Variants in SUMF1 observed in about 807,000 individuals in gnomAD.
The protein encoded by SUMF1 is formylglycine-generating enzyme.
SUMF1 carries 48 observed loss-of-function variants against 47.6 expected under a neutral mutation model. The ratio of observed to expected loss-of-function variants is 1.01; its 90% CI spans 0.80 to 1.28. SUMF1 has a LOEUF of 1.28. Ranked by LOEUF, SUMF1 falls within the 50% of genes most tolerant of loss-of-function variation. The pLI, the probability that SUMF1 is intolerant of heterozygous loss-of-function variation, is 0.00. For missense variants in SUMF1, 571 were observed against 485.4 expected (o/e 1.18, Z -1.66); for synonymous variants, 230 against 192.1 (o/e 1.20, Z -1.63).
intron 8 of SUMF1, among the ~76,000 whole-genome samples, chr3:4,245,382 C>T (rs1208283186): frequency 2.0e-5 from 3 of 152,090 alleles, no homozygotes; most frequent in Non-Finnish European, 4.4e-5. Context: ...TTTTATCTAC[C>T]TTTGGTCTTT....
At chr3:4,080,242 T>G (rs941467335) in intron 8 of SUMF1, among the ~76,000 whole-genome samples, 2 of 152,184 alleles carry the variant, frequency 1.3e-5, no homozygotes, top group African/African-American at 2.4e-5. Context: ...AAGTTTTTTA[T>G]GAATGAAGGC....
At chr3:4,344,035 T>C (rs1044998508) in intron 8 of SUMF1, among the ~76,000 whole-genome samples, 1 of 152,274 alleles carries the variant, frequency 6.6e-6, no homozygotes, top group Non-Finnish European at 1.5e-5. Flanking sequence ...GACTCAATTT[T>C]GTTTTATAAA....
chr3:4,440,567 T>C (rs937986807), intron 3 of SUMF1, among the ~76,000 whole-genome samples: 4 of 152,224 alleles, frequency 2.6e-5, no homozygotes, highest in African/African-American at 9.6e-5. Context: ...GACTGCATTA[T>C]TCTTTGCCTT....
chr3:4,244,092 G>A (rs975674193), intron 8 of SUMF1, among the ~76,000 whole-genome samples: 2 of 151,788 alleles, frequency 1.3e-5, no homozygotes, highest in African/African-American at 2.4e-5. Flanking sequence ...CCTGCTTTTT[G>A]TTTTTCCTTT....
chr3:4,100,038 T>A lies in SUMF1; in HGVS notation c.1015-31293A>T, dbSNP rs1352986280. ...ATTTAATAATACCAATTCAATTCAA[T>A]CCAATTCAATTTAATAATATGAATT... On this transcript the variant is annotated intron_variant and NMD_transcript_variant, in intron 8 of 12. Coordinates refer to the SUMF1 transcript ENST00000448413. Among the ~76,000 whole-genome samples the A allele has an allele frequency of 3.3e-5, 5 of 151,222 alleles. No homozygotes were observed. In the South Asian group the frequency reaches 8.4e-4, roughly 25 times the overall value.
intron 8 of SUMF1, among the ~76,000 whole-genome samples, chr3:4,210,880 CA>C (rs1425106201): frequency 3.3e-5 from 5 of 151,486 alleles, no homozygotes; most frequent in Admixed American, 3.3e-4. Context: ...AATCAGCTGC[CA>C]ATACAGCCAG....
At chr3:4,078,271 T>G (rs1287975710) in intron 8 of SUMF1, among the ~76,000 whole-genome samples, 1 of 152,018 alleles carries the variant, frequency 6.6e-6, no homozygotes, top group Admixed American at 6.6e-5. Flanking sequence ...TTCCAGACAA[T>G]GAAAATACTG....
At chr3:4,041,525 GC>G (rs1260396551) in intron 9 of SUMF1, among the ~76,000 whole-genome samples, 1 of 152,198 alleles carries the variant, frequency 6.6e-6, no homozygotes, top group African/African-American at 2.4e-5. Context: ...AGAAGGAAGT[GC>G]CACATAAAAG....
intron 8 of SUMF1, among the ~76,000 whole-genome samples, chr3:4,256,636 C>A (rs1017441832): frequency 6.6e-6 from 1 of 151,478 alleles, no homozygotes; most frequent in African/African-American, 2.4e-5. Flanking sequence ...AGTTTACCAA[C>A]CAAATAGAGT....
At chr3:4,305,319 C>A (rs1002562824) in intron 8 of SUMF1, among the ~76,000 whole-genome samples, 26 of 152,166 alleles carry the variant, frequency 1.7e-4, no homozygotes, top group African/African-American at 6.0e-4. Flanking sequence ...CTCCTGACCT[C>A]AAGTGATCCA....
At chr3:4,460,499 C>CT (rs1321726237) in intron 1 of SUMF1, among the ~76,000 whole-genome samples, 1 of 151,856 alleles carries the variant, frequency 6.6e-6, no homozygotes, top group African/African-American at 2.4e-5. Context: ...CCATAAACCA[C>CT]TTTGTCTCTT....
At chr3:4,320,966 C>T (rs553094290) in intron 8 of SUMF1, among the ~76,000 whole-genome samples, 3 of 152,224 alleles carry the variant, frequency 2.0e-5, no homozygotes, top group South Asian at 4.2e-4. Context: ...AAGGACCATA[C>T]GTTGGGGTAT....
At chr3:4,088,463 G>T (rs1484487816) in intron 8 of SUMF1, among the ~76,000 whole-genome samples, 1 of 151,914 alleles carries the variant, frequency 6.6e-6, no homozygotes, top group Non-Finnish European at 1.5e-5. Flanking sequence ...TCTTAGCAAG[G>T]CCTTCAAGAG....
intron 8 of SUMF1, among the ~76,000 whole-genome samples, chr3:4,136,874 CTCA>C (rs1693946095): frequency 6.6e-6 from 1 of 152,160 alleles, no homozygotes; most frequent in South Asian, 2.1e-4. Context: ...TGAAAAAATG[CTCA>C]TCATCACTGG....
At chr3:4,253,293 A>G (rs536848753) in intron 8 of SUMF1, among the ~76,000 whole-genome samples, 20 of 152,326 alleles carry the variant, frequency 1.3e-4, no homozygotes, top group Admixed American at 1.2e-3. Flanking sequence ...TCCGGTCTAC[A>G]GCTCCCAGCG....
intron 2 of SUMF1, among the ~76,000 whole-genome samples, chr3:4,452,648 T>G (rs548670069): frequency 1.1e-4 from 16 of 152,298 alleles, no homozygotes; most frequent in Admixed American, 5.9e-4. Context: ...CAACTAGCTG[T>G]GTGATGTGGG....
At chr3:4,213,538 G>T (rs533618186) in intron 8 of SUMF1, among the ~76,000 whole-genome samples, 3 of 152,158 alleles carry the variant, frequency 2.0e-5, no homozygotes, top group South Asian at 4.2e-4. Context: ...CATCATAATG[G>T]TAAGACCAAA....
At chr3:4,336,103 G>A (rs1486559520) in intron 8 of SUMF1, among the ~76,000 whole-genome samples, 1 of 152,148 alleles carries the variant, frequency 6.6e-6, no homozygotes, top group Non-Finnish European at 1.5e-5. Flanking sequence ...ACTGAGGGAG[G>A]TCTCAAACGA....
chr3:4,433,957 G>A (rs530455369), intron 3 of SUMF1, among the ~76,000 whole-genome samples: 121 of 152,306 alleles, frequency 7.9e-4, no homozygotes, highest in African/African-American at 2.8e-3. Context: ...TGAAAGCAGG[G>A]GTTCGAAGGA....
Sources: allele counts gnomAD v4.1 joint callset (sites outside exome capture counted in the v4.1 genomes callset), GRCh38; gene constraint gnomAD v4.1.1; transcripts MANE v1.5; gene names NCBI Gene and HGNC (gene_info 2026-07-23, HGNC 2026-07-21).